The following VPS13D variants were observed in gnomAD, a reference collection of about 807,000 sequenced individuals.
The protein encoded by VPS13D is vacuolar protein sorting 13 homolog D, also known as intermembrane lipid transfer protein VPS13D.
A neutral mutation model predicts 461.9 loss-of-function variants in VPS13D; 187 were observed. That is an observed-to-expected ratio of 0.40 (90% CI 0.36 to 0.46). VPS13D has a LOEUF of 0.46. Ranked by LOEUF, VPS13D falls within the 20% of genes least tolerant of loss-of-function variation. VPS13D has a pLI of 0.60. For missense variants in VPS13D, 4,711 were observed against 5,364.9 expected, an observed-to-expected ratio of 0.88 and a Z score of 3.81; for synonymous variants, 1,951 against 1,986.3, an observed-to-expected ratio of 0.98 and a Z score of 0.47.
chr1:12,333,369 G>GA lies in VPS13D; in HGVS notation c.8428+4dup. On this transcript the variant is annotated splice_donor_region_variant and intron_variant, in intron 38 of 69. Coordinates refer to ENST00000620676, the MANE Select transcript of VPS13D (RefSeq NM_015378.4). ...CAATATCACTTCTGTGCTAATTGGTGAGTAGAAAGTTGTCTTTCATAGACT... is the reference window on the plus strand; with the variant it reads ...CAATATCACTTCTGTGCTAATTGGTGAAGTAGAAAGTTGTCTTTCATAGACT... 1.2e-6 allele frequency: 2 copies of GA among 1,613,882 alleles called. No homozygotes were observed. Among genetic ancestry groups the GA allele is most frequent in the Non-Finnish European group, 1.7e-6 (2 of 1,179,878 alleles).
chr1:12,400,962 G>GCGCGCGCACACACACACACA, intron 61 of VPS13D, among the ~76,000 whole-genome samples: 1 of 106,296 alleles, frequency 9.4e-6, no homozygotes, highest in African/African-American at 3.4e-5. Context: ...CTGCGCGCGC[G>GCGCGCGCACACACACACACA]CACACACACA....
intron 65 of VPS13D, among the ~76,000 whole-genome samples, chr1:12,420,452 T>G (rs1292128209): frequency 6.6e-6 from 1 of 152,212 alleles, no homozygotes; most frequent in Non-Finnish European, 1.5e-5. Flanking sequence ...TGCACCTCAT[T>G]GAGCCCCTGC....
At chr1:12,268,632 A>G in intron 15 of VPS13D, 74 bp from the exon 16 acceptor site, 1 of 1,466,786 alleles carries the variant, frequency 6.8e-7, no homozygotes, top group Non-Finnish European at 9.2e-7. Context: ...TTTTTCCAGA[A>G]TCCCTCACAG....
intron 63 of VPS13D, among the ~76,000 whole-genome samples, chr1:12,414,200 C>T (rs952157871): frequency 8.6e-5 from 13 of 151,890 alleles, no homozygotes; most frequent in South Asian, 2.1e-4. Context: ...GGGAGGATCG[C>T]GTGAGCCCAG....
At chr1:12,404,591 T>G (rs186085797) in intron 63 of VPS13D, among the ~76,000 whole-genome samples, 18 of 152,320 alleles carry the variant, frequency 1.2e-4, no homozygotes, top group African/African-American at 4.1e-4. Flanking sequence ...GCCATAAAGT[T>G]TATCTTCATC....
chr1:12,394,571 C>T (rs1459378065), intron 60 of VPS13D, among the ~76,000 whole-genome samples: 2 of 152,176 alleles, frequency 1.3e-5, no homozygotes, highest in Admixed American at 1.3e-4. Context: ...AAAGCAATTA[C>T]AGGGCTCTTC....
In VPS13D at chr1:12,373,567, GA is replaced by G. The variant is rs539032387; in HGVS notation, c.10809-176del. On this transcript the variant is annotated intron_variant, in intron 54 of 69. Coordinates refer to ENST00000620676, the MANE Select transcript of VPS13D (RefSeq NM_015378.4). ...GAGATGAATCTTGGAACTGTGTAGG[GA>G]AAAAAATGCAACCCTGATCTTTCTG... Among the ~76,000 whole-genome samples, 15 of 151,878 alleles carry G rather than the reference GA, an allele frequency of 9.9e-5. No individual in the cohort carries two copies. In the South Asian group the frequency reaches 3.1e-3, roughly 32 times the overall value.
At chr1:12,469,414 G>A (rs1289242731) in intron 67 of VPS13D, among the ~76,000 whole-genome samples, 2 of 152,210 alleles carry the variant, frequency 1.3e-5, no homozygotes, top group African/African-American at 4.8e-5. Context: ...GAATACAGCT[G>A]TTTTCCAGTT....
chr1:12,242,797 C>A (rs1282031708), intron 3 of VPS13D, among the ~76,000 whole-genome samples: 1 of 152,044 alleles, frequency 6.6e-6, no homozygotes, highest in South Asian at 2.1e-4. Flanking sequence ...AGGTGATACC[C>A]GGACCGACTG....
At position 12,362,779 on chromosome 1, in the gene VPS13D, C is replaced by T. The variant is rs760476028; in HGVS notation, c.10201C>T (p.Pro3401Ser). Residue 3401 changes from proline to serine, a missense_variant, in exon 51 of 70, where the codon CCC (proline) becomes TCC (serine). Around this residue, in one of 3 missense-constraint regions of VPS13D, gnomAD observed 4,411 missense variants for 4,937.8 expected, o/e 0.89. Coordinates refer to ENST00000620676, the MANE Select transcript of VPS13D (RefSeq NM_015378.4). Reference sequence around the variant, plus strand: ...TGATACCTGCATGGTCATCTTTGCCCCCCGTTACCTGTTAGATAATAAATC... The same window carrying T: ...TGATACCTGCATGGTCATCTTTGCCTCCCGTTACCTGTTAGATAATAAATC... ...YIDTCMVIFAPRYLLDNKSSH... is the reference protein window; with the variant it reads ...YIDTCMVIFASRYLLDNKSSH... 4 of 1,614,172 alleles carry T rather than the reference C, an allele frequency of 2.5e-6. No homozygotes were observed. The highest frequency in any genetic ancestry group is 2.5e-6 in the Non-Finnish European group (3 of 1,180,026).
At position 12,318,086 on chromosome 1, in the gene VPS13D, C is replaced by T. The variant is rs752493105; in HGVS notation, c.7163C>T (p.Ser2388Phe). 6.2e-7 allele frequency: 1 copy of T among 1,611,022 alleles called. No individual in the cohort carries two copies. Among genetic ancestry groups the T allele is most frequent in the Non-Finnish European group, 8.5e-7 (1 of 1,177,674 alleles). The stretch of plus-strand genomic sequence containing the variant: ...TCTTTTTATAGATCTACCAAGGATT[C>T]CTCCTGCTTTACAGTAGTTCTCAAC... ...IELHFRSTKD[S>F]SCFTVVLNNL... is the part of the protein sequence containing the mutation. The change falls in exon 31 of 70, where the codon TCC becomes TTC. Residue 2388 changes from serine (S) to phenylalanine (F), a missense_variant. Physicochemically the swap from Ser to Phe is radical, Grantham distance 155 (BLOSUM62 -2). Transcript: ENST00000620676.
At position 12,379,562 on chromosome 1, in the gene VPS13D, A is replaced by G. The variant is rs1304492811; in HGVS notation, c.11156A>G (p.Lys3719Arg). Residue 3719 changes from lysine (K) to arginine (R), a missense_variant, in exon 57 of 70, where the codon AAA becomes AGA. Physicochemically the swap from Lys to Arg is conservative, Grantham distance 26. Transcript: ENST00000620676. ...CAGACGTGGAGTTTCCGAGAAGGAA[A>G]ACTGACCTGTGGGTTACATGGGTTG... ...TTQTWSFREG[K>R]LTCGLHGLVV... 3.1e-6 allele frequency: 5 copies of G among 1,613,452 alleles called. No individual in the cohort carries two copies. Among genetic ancestry groups the G allele is most frequent in the Non-Finnish European group, 3.4e-6 (4 of 1,179,778 alleles).
chr1:12,267,030 T>A lies in VPS13D; in HGVS notation c.1725+19T>A. 6.5e-7 allele frequency: 1 copy of A among 1,547,420 alleles called. No homozygotes were observed. The highest frequency in any genetic ancestry group is 8.7e-7 in the Non-Finnish European group (1 of 1,150,850). On this transcript the variant is annotated intron_variant, in intron 14 of 69. Coordinates refer to ENST00000620676, the MANE Select transcript of VPS13D (RefSeq NM_015378.4). ...TAATCCAGTATGTACAACAGTTGGA[T>A]AGTTAATGTATCTAAGGTGTTGGTA...
intron 13 of VPS13D, 67 bp from the exon 14 acceptor site, chr1:12,266,814 T>C (rs1641283022): frequency 1.5e-6 from 2 of 1,316,468 alleles, no homozygotes; most frequent in Admixed American, 2.7e-5. Context: ...ATAGAATATC[T>C]AATATTTTCA....
At chr1:12,310,661 T>C (rs2101494000) in intron 27 of VPS13D, among the ~76,000 whole-genome samples, 1 of 152,338 alleles carries the variant, frequency 6.6e-6, no homozygotes, top group South Asian at 2.1e-4. Context: ...TCTTTATTGC[T>C]TTCCCAAGTG....
Position 12,345,476 on chromosome 1 carries a change from T to C in VPS13D, c.8988T>C (p.Tyr2996=), listed in dbSNP as rs1643655367. 4 of 1,613,628 alleles carry C rather than the reference T, an allele frequency of 2.5e-6. No individual in the cohort carries two copies. The South Asian group carries it at 3.3e-5, about 13-fold the overall frequency. ...SVDKVGTFFR[Y]AAPDKNSSSS... is the part of the protein sequence containing the mutation. Reference sequence around the variant, plus strand: ...ACAAAGTCGGGACCTTTTTTCGATATGCAGCACCAGATAAAAATTCATCTT... The same window carrying C: ...ACAAAGTCGGGACCTTTTTTCGATACGCAGCACCAGATAAAAATTCATCTT... The change falls in exon 43 of 70, where the codon TAT becomes TAC. Residue 2996 remains tyrosine, a synonymous_variant. Coordinates refer to ENST00000620676, the MANE Select transcript of VPS13D (RefSeq NM_015378.4).
At position 12,507,523 on chromosome 1, in the gene VPS13D, G is replaced by A. The variant is rs1557485468; in HGVS notation, c.13035+430G>A. 1.5e-5 allele frequency: 7 copies of A among 454,038 alleles called. No individual in the cohort carries two copies. The highest frequency in any genetic ancestry group is 9.9e-5 in the South Asian group (6 of 60,614). 28.1% of individuals were successfully genotyped at this position (454,038 alleles called of 1,614,324 possible). On this transcript the variant is annotated intron_variant, in intron 69 of 69. Transcript: ENST00000620676. This position sits in a 1 kb window ranked among gnomAD's most constrained non-coding sequence, Gnocchi z 5.3. ...CTTAACAGTGGAAACCGTAACTTTTGTTCTAGTAGCATCTAGCATGCTCAA... is the reference window on the plus strand; with the variant it reads ...CTTAACAGTGGAAACCGTAACTTTTATTCTAGTAGCATCTAGCATGCTCAA...
At position 12,276,825 on chromosome 1, in the gene VPS13D, T is replaced by C. The variant is rs146609806; in HGVS notation, c.3237T>C (p.Leu1079=). 2.5e-6 allele frequency: 4 copies of C among 1,614,044 alleles called. No homozygotes were observed. The highest frequency in any genetic ancestry group is 2.5e-6 in the Non-Finnish European group (3 of 1,180,030). The part of the protein sequence containing the change: ...DKILTKEQES[L]IKLEYQFVSS... ...TTCTTACCAAAGAGCAAGAGTCCCT[T>C]ATTAAGTTGGAATATCAGTTTGTGA... is the stretch of plus-strand genomic sequence containing the variant. The change falls in exon 19 of 70, where the codon CTT becomes CTC. Residue 1079 remains leucine, a synonymous_variant. Transcript: ENST00000620676. This position sits in a 1 kb window ranked among gnomAD's most constrained non-coding sequence, Gnocchi z 4.5.
At chr1:12,240,145 C>T (rs1417863768) in intron 2 of VPS13D, among the ~76,000 whole-genome samples, 4 of 152,128 alleles carry the variant, frequency 2.6e-5, no homozygotes, top group African/African-American at 7.2e-5. Flanking sequence ...CATTCTCTCT[C>T]TCCTTTCTAG....
Sources: allele counts gnomAD v4.1 joint callset (sites outside exome capture counted in the v4.1 genomes callset), GRCh38; gene constraint gnomAD v4.1.1; regional missense constraint gnomAD v4.1.1; non-coding constraint Gnocchi (gnomAD v3.1); transcripts MANE v1.5; gene names NCBI Gene and HGNC (gene_info 2026-07-23, HGNC 2026-07-21).